CDH8: variants seen among roughly 807,000 people sequenced by gnomAD.
CDH8 encodes cadherin-8.
CDH8 carries 17 observed loss-of-function variants against 68.1 expected under a neutral mutation model. The observed-to-expected ratio is 0.25, with a 90% CI of 0.17 to 0.37. The LOEUF is 0.37. CDH8 is among the 10% of genes least tolerant of loss of function. The pLI is 1.00. For missense variants in CDH8, 763 were observed against 999.3 expected (o/e 0.76, Z 3.19); for synonymous variants, 372 against 365.1 (o/e 1.02, Z -0.21).
At chr16:61,899,253 T>C (rs1042600211) in intron 3 of CDH8, among the ~76,000 whole-genome samples, 1 of 152,190 alleles carries the variant, frequency 6.6e-6, no homozygotes, top group Non-Finnish European at 1.5e-5. Flanking sequence ...CCTGTGTTAG[T>C]TCACTGAGAA....
chr16:61,771,586 A>T (rs1260290454), intron 8 of CDH8, among the ~76,000 whole-genome samples: 1 of 151,806 alleles, frequency 6.6e-6, no homozygotes, highest in Non-Finnish European at 1.5e-5. Flanking sequence ...CGCTCTAAAA[A>T]GTCAGAGTCC....
chr16:61,807,908 C>G (rs545743590), intron 7 of CDH8, among the ~76,000 whole-genome samples: 6 of 152,266 alleles, frequency 3.9e-5, no homozygotes, highest in East Asian at 3.9e-4. Context: ...CAATCCCTAA[C>G]AAATGGCTTT....
At chr16:61,980,374 C>G (rs570542044) in intron 2 of CDH8, among the ~76,000 whole-genome samples, 67 of 152,134 alleles carry the variant, frequency 4.4e-4, no homozygotes, top group Admixed American at 4.4e-3. Context: ...GCTTACCAAG[C>G]GTGTAACTTT....
chr16:61,915,100 C>T (rs572920913), intron 2 of CDH8, among the ~76,000 whole-genome samples: 47 of 152,202 alleles, frequency 3.1e-4, no homozygotes, highest in Admixed American at 9.8e-4. Flanking sequence ...CTAATTGTAC[C>T]TTCCTTCCTT....
At chr16:61,718,417 T>C (rs934892780) in intron 9 of CDH8, among the ~76,000 whole-genome samples, 1 of 151,444 alleles carries the variant, frequency 6.6e-6, no homozygotes, top group African/African-American at 2.4e-5. Flanking sequence ...CAGCATGGTA[T>C]CTTCAATTGA....
intron 8 of CDH8, among the ~76,000 whole-genome samples, chr16:61,750,266 C>T (rs16963907): frequency 0.01 from 1,541 of 152,206 alleles, 36 homozygotes; most frequent in African/African-American, 0.035. Context: ...AAGAGAAAAA[C>T]TACGCAGTCT....
At chr16:61,691,888 C>A (rs1269510707) in intron 10 of CDH8, 2 of 152,068 alleles carry the variant, frequency 1.3e-5, no homozygotes, top group Non-Finnish European at 2.9e-5. Flanking sequence ...TTGACAGCTG[C>A]TGAATTTTTT....
chr16:61,853,475 T>A (rs1273121282), intron 4 of CDH8, among the ~76,000 whole-genome samples: 1 of 152,128 alleles, frequency 6.6e-6, no homozygotes, highest in East Asian at 1.9e-4. Context: ...GGTGAGGGAC[T>A]GTTCACTGTC....
chr16:61,890,523 T>C (rs1963756771), intron 3 of CDH8, among the ~76,000 whole-genome samples: 2 of 152,166 alleles, frequency 1.3e-5, no homozygotes, highest in Admixed American at 1.3e-4. Context: ...TATAGGTTTC[T>C]AAATCAAATT....
intron 10 of CDH8, among the ~76,000 whole-genome samples, chr16:61,691,051 G>C (rs925987537): frequency 6.6e-6 from 1 of 151,970 alleles, no homozygotes; most frequent in African/African-American, 2.4e-5. Flanking sequence ...TAGCCAAGCT[G>C]CTCCCATTAT....
At chr16:61,825,665 A>T (rs1016479711) in intron 4 of CDH8, among the ~76,000 whole-genome samples, 3 of 151,902 alleles carry the variant, frequency 2.0e-5, no homozygotes, top group African/African-American at 7.2e-5. Context: ...ATGTGTCATT[A>T]GAATCAACTC....
chr16:61,796,030 A>ATT (rs1961493593), intron 7 of CDH8, among the ~76,000 whole-genome samples: 4 of 152,066 alleles, frequency 2.6e-5, no homozygotes, highest in Admixed American at 6.6e-5. Context: ...CATCACATAG[A>ATT]TTGTGAAGTT....
intron 2 of CDH8, among the ~76,000 whole-genome samples, chr16:61,946,393 G>C (rs768246140): frequency 6.6e-6 from 1 of 152,170 alleles, no homozygotes; most frequent in Non-Finnish European, 1.5e-5. Flanking sequence ...AAGATTGTGT[G>C]TCTTTCATGG....
rs1235130497 is a variant in CDH8, at chr16:61,647,862, T to C, written c.*5746A>G. On this transcript the variant is annotated 3_prime_UTR_variant, in exon 12 of 12. Transcript: ENST00000577390. ...TCTCTTCAGACAGCATCTTGTGATA[T>C]TCCTCCTAGCAACCCTCTTCTGTAA... 1 of 699,578 alleles carries C rather than the reference T, an allele frequency of 1.4e-6. No individual in the cohort carries two copies. Among genetic ancestry groups the C allele is most frequent in the South Asian group, 1.5e-5 (1 of 67,522 alleles). 43.3% of individuals were successfully genotyped at this position (699,578 alleles called of 1,614,324 possible).
intron 2 of CDH8, among the ~76,000 whole-genome samples, chr16:61,935,067 A>G (rs562281443): frequency 3.3e-4 from 51 of 152,286 alleles, no homozygotes; most frequent in African/African-American, 9.1e-4. Flanking sequence ...AGGCCTTTAT[A>G]TAAGAGAGGA....
chr16:61,781,694 G>C (rs181457937), intron 8 of CDH8, among the ~76,000 whole-genome samples: 1 of 152,208 alleles, frequency 6.6e-6, no homozygotes, highest in Non-Finnish European at 1.5e-5. Flanking sequence ...AAGAAGACTG[G>C]ATTTTTTTGA....
In CDH8 at chr16:61,825,586, T is replaced by C. The variant is rs998301162; in HGVS notation, c.668-407A>G. Among the ~76,000 whole-genome samples, 3 of 151,786 alleles carry C rather than the reference T, an allele frequency of 2.0e-5. No homozygotes were observed. The East Asian group carries it at 5.9e-4, about 30-fold the overall frequency. On this transcript the variant is annotated intron_variant, in intron 4 of 11. Coordinates refer to ENST00000577390, the MANE Select transcript of CDH8 (RefSeq NM_001796.5). ...AGGAGGAGTAAATACACACATAGCT[T>C]GAAGGCTCTGAGGTCAAAGATAAAT...
At chr16:61,899,416 C>T (rs184911691) in intron 3 of CDH8, among the ~76,000 whole-genome samples, 35 of 152,072 alleles carry the variant, frequency 2.3e-4, no homozygotes, top group Middle Eastern at 3.4e-3. Context: ...TATGATTTTA[C>T]GGCCAGCCAC....
At position 61,951,071 on chromosome 16, in the gene CDH8, C is replaced by T. The variant is rs565688109; in HGVS notation, c.253-49598G>A. Among the ~76,000 whole-genome samples, 6 of 151,804 alleles carry T rather than the reference C, an allele frequency of 4.0e-5. No individual in the cohort carries two copies. In the East Asian group the frequency reaches 1.2e-3, roughly 30 times the overall value. ...AAAAGTTAAAAAAAACCTCCACATTCCAGTCTTTGGATAACTAGTAATCAT... is the reference window on the plus strand; with the variant it reads ...AAAAGTTAAAAAAAACCTCCACATTTCAGTCTTTGGATAACTAGTAATCAT... On this transcript the variant is annotated intron_variant, in intron 2 of 11. Transcript: ENST00000577390.
Sources: gnomAD v4.1 joint callset for allele counts (sites outside exome capture counted in the v4.1 genomes callset) on GRCh38, gnomAD v4.1.1 for gene constraint, MANE v1.5 for transcripts, NCBI Gene and HGNC (gene_info 2026-07-23, HGNC 2026-07-21) for gene names.